Variants in MAP4K4 observed in about 807,000 individuals in gnomAD.
MAP4K4 encodes mitogen-activated protein kinase kinase kinase kinase 4.
In MAP4K4, 38 loss-of-function variants were observed where a neutral mutation model predicts 189.6. The ratio of observed to expected loss-of-function variants is 0.20; its 90% CI spans 0.15 to 0.26. The LOEUF (loss-of-function observed/expected upper bound fraction) is 0.26, where lower values mean the gene tolerates loss of function less well. MAP4K4 is among the 10% of genes least tolerant of loss of function. The pLI is 1.00. For missense variants in MAP4K4, 1,054 were observed against 1,726.9 expected, an observed-to-expected ratio of 0.61 and a Z score of 6.91; for synonymous variants, 610 against 624.3, an observed-to-expected ratio of 0.98 and a Z score of 0.34.
chr2:101,848,752 A>T (rs936237666), intron 12 of MAP4K4, among the ~76,000 whole-genome samples: 24 of 152,112 alleles, frequency 1.6e-4, no homozygotes, highest in Non-Finnish European at 2.8e-4. Flanking sequence ...GTGCTCTCTG[A>T]TAACTGCTGC....
chr2:101,867,336 CTTA>C (rs772750996), intron 20 of MAP4K4, 27 bp downstream of exon 20: 55 of 1,533,350 alleles, frequency 3.6e-5, no homozygotes, highest in Non-Finnish European at 4.6e-5. Flanking sequence ...ATCAGTTTTA[CTTA>C]TTTCAGACTT....
At chr2:101,890,697 C>T (rs1027765489) in intron 32 of MAP4K4, among the ~76,000 whole-genome samples, 5 of 151,882 alleles carry the variant, frequency 3.3e-5, no homozygotes, top group South Asian at 2.1e-4. Flanking sequence ...CCTCATGGTC[C>T]GCCTACGTCG....
At chr2:101,867,409 G>A (rs2097848008) in intron 20 of MAP4K4, 100 bp downstream of exon 20, 5 of 817,792 alleles carry the variant, frequency 6.1e-6, no homozygotes, top group Admixed American at 4.8e-5. Context: ...TTCTGCGAGG[G>A]CCCCTCACAG....
At chr2:101,893,071 C>T in exon 33 of MAP4K4, 1 of 456,458 alleles carries the variant, frequency 2.2e-6, no homozygotes, top group Non-Finnish European at 4.4e-6. Context: ...CACCTAAACA[C>T]AGCAGCCATT....
At chr2:101,890,274 A>C (rs1476759491) in intron 32 of MAP4K4, among the ~76,000 whole-genome samples, 1 of 152,220 alleles carries the variant, frequency 6.6e-6, no homozygotes, top group Non-Finnish European at 1.5e-5. Flanking sequence ...AGGTGTTAAC[A>C]GTAGAAGTGG....
chr2:101,891,599 G>A (rs1577572271), exon 33 of MAP4K4: 2 of 187,060 alleles, frequency 1.1e-5, no homozygotes, highest in South Asian at 1.3e-4. Flanking sequence ...CTGTCTTGTG[G>A]GTGTCTGACA....
chr2:101,821,155 C>T (rs1318681816), intron 3 of MAP4K4, among the ~76,000 whole-genome samples: 1 of 151,938 alleles, frequency 6.6e-6, no homozygotes, highest in South Asian at 2.1e-4. Context: ...AGAAATTATA[C>T]CTATTTGGTA....
intron 2 of MAP4K4, among the ~76,000 whole-genome samples, chr2:101,786,110 C>G (rs1052271190): frequency 1.3e-5 from 2 of 152,226 alleles, no homozygotes; most frequent in Admixed American, 1.3e-4. Context: ...CAGGTGTGAG[C>G]CATTGCACCC....
intron 22 of MAP4K4, 119 bp from the exon 23 acceptor site, chr2:101,870,176 G>A (rs2097942394): frequency 9.9e-7 from 1 of 1,013,222 alleles, no homozygotes; most frequent in Non-Finnish European, 1.4e-6. Flanking sequence ...CTTTTTTGGA[G>A]GAGGCTTTAT....
At chr2:101,833,358 C>A (rs906256238) in intron 7 of MAP4K4, among the ~76,000 whole-genome samples, 1 of 152,108 alleles carries the variant, frequency 6.6e-6, no homozygotes, top group African/African-American at 2.4e-5. Context: ...TGGTGGCTCA[C>A]GCCTGTAATC....
chr2:101,870,400 T>G (rs774374364), exon 23 of MAP4K4: 1 of 1,613,746 alleles, frequency 6.2e-7, no homozygotes, highest in East Asian at 2.2e-5. Flanking sequence ...AGGAGGGCAC[T>G]CTAATCGTCC....
chr2:101,873,823 C>T, intron 25 of MAP4K4, 59 bp downstream of exon 25: 2 of 1,266,264 alleles, frequency 1.6e-6, no homozygotes, highest in Non-Finnish European at 2.3e-6. Flanking sequence ...TTGAGTTGCT[C>T]TTTTGGGTGG....
chr2:101,707,657 T>A (rs1047305142), intron 2 of MAP4K4, among the ~76,000 whole-genome samples: 3 of 151,242 alleles, frequency 2.0e-5, no homozygotes, highest in Non-Finnish European at 4.4e-5. Flanking sequence ...GGACTACAGG[T>A]GTGCACCACC....
At chr2:101,797,227 T>TA in intron 3 of MAP4K4, 1 of 1,289,702 alleles carries the variant, frequency 7.8e-7, no homozygotes, top group South Asian at 1.2e-5. Flanking sequence ...CTGTGGGACC[T>TA]ATTGTTCTAT....
exon 25 of MAP4K4, chr2:101,873,757 A>G (rs1559291386): frequency 1.9e-6 from 3 of 1,595,142 alleles, no homozygotes; most frequent in Non-Finnish European, 1.7e-6. Flanking sequence ...CAACAGTGAC[A>G]TCTGTGGGTA....
At chr2:101,704,167 A>AGAT (rs1471186034) in intron 2 of MAP4K4, among the ~76,000 whole-genome samples, 1 of 152,144 alleles carries the variant, frequency 6.6e-6, no homozygotes, top group African/African-American at 2.4e-5. Flanking sequence ...TTGTAGAACC[A>AGAT]GATGTTTTCA....
intron 2 of MAP4K4, among the ~76,000 whole-genome samples, chr2:101,743,180 G>C (rs376265561): frequency 6.6e-6 from 1 of 152,224 alleles, no homozygotes; most frequent in East Asian, 1.9e-4. Flanking sequence ...GTGTGGCAAG[G>C]TGGCTGCCTT....
intron 14 of MAP4K4, 116 bp from the exon 15 acceptor site, chr2:101,859,527 T>C: frequency 1.2e-6 from 1 of 804,628 alleles, no homozygotes; most frequent in Non-Finnish European, 2.0e-6. Context: ...TTTTGCTTTC[T>C]TACAAAACAC....
At chr2:101,807,804 G>A (rs2095097490) in intron 3 of MAP4K4, among the ~76,000 whole-genome samples, 1 of 152,152 alleles carries the variant, frequency 6.6e-6, no homozygotes, top group African/African-American at 2.4e-5. Context: ...GGGAACCAGG[G>A]AAGGAGCGCT....
Sources: allele counts gnomAD v4.1 joint callset (sites outside exome capture counted in the v4.1 genomes callset), GRCh38; gene constraint gnomAD v4.1.1; transcripts MANE v1.5; gene names NCBI Gene and HGNC (gene_info 2026-07-23, HGNC 2026-07-21).